PDZD2: variants seen among roughly 807,000 people sequenced by gnomAD.
The protein encoded by PDZD2 is PDZ domain containing 2.
Under a neutral mutation model 220.7 loss-of-function variants are expected in PDZD2, and 90 were observed. The observed-to-expected ratio is 0.41, with a 90% CI of 0.34 to 0.49. PDZD2 has a LOEUF of 0.49. Ranked by LOEUF, PDZD2 falls within the 20% of genes least tolerant of loss-of-function variation. The pLI, the probability that PDZD2 is intolerant of heterozygous loss-of-function variation, is 0.28. For synonymous variants in PDZD2, 1,375 were observed against 1,450.5 expected (o/e 0.95, Z 1.18); for missense variants, 3,174 against 3,608.5 (o/e 0.88, Z 3.08).
intron 4 of PDZD2, among the ~76,000 whole-genome samples, chr5:31,996,285 CTTCTT>C (rs1022517202): frequency 1.3e-5 from 2 of 152,204 alleles, no homozygotes; most frequent in African/African-American, 4.8e-5. Context: ...TACCTCAAAA[CTTCTT>C]TTGTAGGCCA....
intron 2 of PDZD2, among the ~76,000 whole-genome samples, chr5:31,880,243 G>A (rs1739745663): frequency 6.6e-6 from 1 of 152,158 alleles, no homozygotes; most frequent in Non-Finnish European, 1.5e-5. Flanking sequence ...TTTAAAAGAC[G>A]AGAGCAATGA....
At chr5:31,689,353 A>ATATATATATATTTTTTTTT in intron 1 of PDZD2, among the ~76,000 whole-genome samples, 56 of 35,088 alleles carry the variant, frequency 1.6e-3, no homozygotes, top group Non-Finnish European at 1.8e-3. Flanking sequence ...ATATATATAT[A>ATATATATATATTTTTTTTT]TTTTTTTTTT....
chr5:31,845,296 A>G (rs1202378746), intron 2 of PDZD2, among the ~76,000 whole-genome samples: 1 of 152,248 alleles, frequency 6.6e-6, no homozygotes, highest in Non-Finnish European at 1.5e-5. Context: ...GGAAATGTCA[A>G]ATGACTTACC....
chr5:31,854,735 A>C (rs1034345425), intron 2 of PDZD2, among the ~76,000 whole-genome samples: 6 of 149,600 alleles, frequency 4.0e-5, no homozygotes, highest in Non-Finnish European at 7.4e-5. Context: ...CTGGATGAGA[A>C]GCCCCAAACT....
At chr5:31,698,193 C>G (rs1042007009) in intron 1 of PDZD2, among the ~76,000 whole-genome samples, 2 of 149,962 alleles carry the variant, frequency 1.3e-5, no homozygotes, top group Non-Finnish European at 3.0e-5. Context: ...CGTGAGCCAC[C>G]GCACCCGGCC....
intron 1 of PDZD2, among the ~76,000 whole-genome samples, chr5:31,677,071 A>C (rs779986765): frequency 5.5e-4 from 83 of 152,278 alleles, no homozygotes; most frequent in Non-Finnish European, 9.6e-4. Flanking sequence ...GAATCTACCT[A>C]GGAGCAAGGC....
intron 1 of PDZD2, among the ~76,000 whole-genome samples, chr5:31,756,461 T>G (rs1290341473): frequency 6.6e-6 from 1 of 152,184 alleles, no homozygotes; most frequent in Non-Finnish European, 1.5e-5. Flanking sequence ...CAAGACCTCC[T>G]AGCAGCACTC....
intron 15 of PDZD2, among the ~76,000 whole-genome samples, chr5:32,071,036 G>A (rs2112386803): frequency 1.3e-5 from 2 of 152,324 alleles, no homozygotes; most frequent in Middle Eastern, 6.8e-3. Flanking sequence ...GATTGAAGAA[G>A]GGAGACAAGA....
chr5:32,021,626 C>T (rs546356744), intron 6 of PDZD2, among the ~76,000 whole-genome samples: 4 of 152,246 alleles, frequency 2.6e-5, no homozygotes, highest in African/African-American at 7.2e-5. Context: ...AACTCCTCCA[C>T]GCCTTCAGTA....
chr5:31,729,953 G>A (rs760967405), intron 1 of PDZD2, among the ~76,000 whole-genome samples: 4 of 152,216 alleles, frequency 2.6e-5, no homozygotes, highest in Admixed American at 6.5e-5. Context: ...TCGGCCTTCT[G>A]AGTAGCTGGG....
At chr5:31,773,578 A>C (rs1263617078) in intron 1 of PDZD2, among the ~76,000 whole-genome samples, 2 of 152,168 alleles carry the variant, frequency 1.3e-5, no homozygotes, top group East Asian at 3.9e-4. Flanking sequence ...TGAATCCAAG[A>C]GGCAGAGGTT....
chr5:32,074,146 G>A lies in PDZD2; in HGVS notation c.3040G>A (p.Val1014Ile), dbSNP rs61745924. The change falls in exon 18 of 25, where the codon GTC becomes ATC. Residue 1014 changes from valine to isoleucine, a missense_variant. Physicochemically the swap from Val to Ile is conservative, Grantham distance 29. Coordinates refer to ENST00000438447, the MANE Select transcript of PDZD2 (RefSeq NM_178140.4). ...AATTTCCTCTTCCAAGGGCATGGACGTCCACAACCAAGAGGAACGACCCCG... is the reference window on the plus strand; with the variant it reads ...AATTTCCTCTTCCAAGGGCATGGACATCCACAACCAAGAGGAACGACCCCG... ...VSISSSKGMD[V>I]HNQEERPRKT... The A allele has an allele frequency of 5.6e-3, 8,987 of 1,614,192 alleles. 41 individuals carry two copies. Among genetic ancestry groups the A allele is most frequent in the Non-Finnish European group, 7.1e-3 (8,362 of 1,180,022 alleles).
intron 2 of PDZD2, among the ~76,000 whole-genome samples, chr5:31,828,090 C>A (rs1419712857): frequency 1.3e-5 from 2 of 152,210 alleles, no homozygotes; most frequent in Non-Finnish European, 2.9e-5. Flanking sequence ...GTTTAACCAT[C>A]CATCCATTTG....
Position 32,087,138 on chromosome 5 carries a change from C to A in PDZD2, c.3690C>A (p.Asp1230Glu), listed in dbSNP as rs1386598387. 6.2e-7 allele frequency: 1 copy of A among 1,603,164 alleles called. No homozygotes were observed. ...TTTACGTTCCCCACGTAGAACTGGA[C>A]AGCTCCTCAGACCTCATCTCTTCCC... Reference protein sequence around the residue: ...ELGQQPMTELDSSSDLISSPG... With the variant: ...ELGQQPMTELESSSDLISSPG... Residue 1230 changes from aspartate (D) to glutamate (E), a missense_variant, in exon 20 of 25, where the codon GAC (aspartate) becomes GAA (glutamate). Around this residue, in one of 4 missense-constraint regions of PDZD2, gnomAD observed 1,861 missense variants for 2,001.0 expected, o/e 0.93. Coordinates refer to ENST00000438447, the MANE Select transcript of PDZD2 (RefSeq NM_178140.4). This position sits in a 1 kb window ranked among gnomAD's most constrained non-coding sequence, Gnocchi z 4.0.
intron 6 of PDZD2, among the ~76,000 whole-genome samples, chr5:32,011,901 C>T (rs1753348826): frequency 6.6e-6 from 1 of 152,150 alleles, no homozygotes; most frequent in African/African-American, 2.4e-5. Context: ...ACATCATAAA[C>T]ATCATAAGCT....
chr5:31,888,276 TC>T (rs1472135011), intron 2 of PDZD2, among the ~76,000 whole-genome samples: 1 of 152,092 alleles, frequency 6.6e-6, no homozygotes, highest in Admixed American at 6.6e-5. Flanking sequence ...CACTGCAACT[TC>T]CGCCTACTGG....
chr5:32,098,598 C>T lies in PDZD2; in HGVS notation c.8182C>T (p.Leu2728=). 1.2e-6 allele frequency: 2 copies of T among 1,614,096 alleles called. No homozygotes were observed. The highest frequency in any genetic ancestry group is 1.7e-6 in the Non-Finnish European group (2 of 1,179,976). Residue 2728 remains leucine, a synonymous_variant, in exon 23 of 25, where the codon CTG becomes TTG. Transcript: ENST00000438447. This position sits in a 1 kb window ranked among gnomAD's most constrained non-coding sequence, Gnocchi z 4.1. The stretch of plus-strand genomic sequence containing the variant: ...TCCCACAGCCAATGGGAAGGGTTTG[C>T]TGTCCAGAAAGACCATCCCCCTGGA... ...EPPTANGKGL[L]SRKTIPLEPG... is the part of the protein sequence containing the mutation.
At chr5:31,738,516 TATTGCCAAAC>T (rs1271469948) in intron 1 of PDZD2, 3 of 152,212 alleles carry the variant, frequency 2.0e-5, no homozygotes, top group African/African-American at 4.8e-5. Flanking sequence ...TTGGCCATTC[TATTGCCAAAC>T]TATTGCTGCC....
intron 4 of PDZD2, among the ~76,000 whole-genome samples, chr5:31,997,732 T>C (rs543891769): frequency 6.6e-6 from 1 of 152,362 alleles, no homozygotes; most frequent in African/African-American, 2.4e-5. Flanking sequence ...TGGAGTTGTG[T>C]GTGTGTGTCT....
Sources: allele counts gnomAD v4.1 joint callset (sites outside exome capture counted in the v4.1 genomes callset), GRCh38; gene constraint gnomAD v4.1.1; regional missense constraint gnomAD v4.1.1; non-coding constraint Gnocchi (gnomAD v3.1); transcripts MANE v1.5; gene names NCBI Gene and HGNC (gene_info 2026-07-23, HGNC 2026-07-21).